Variants in PLEKHA1 observed in about 807,000 individuals in gnomAD.
PLEKHA1 encodes pleckstrin homology domain containing A1.
A neutral mutation model predicts 52.0 loss-of-function variants in PLEKHA1; 34 were observed. That is an observed-to-expected ratio of 0.65 (90% CI 0.50 to 0.87). The LOEUF is 0.87. Ranked by LOEUF, PLEKHA1 falls within the 40% of genes least tolerant of loss-of-function variation. The pLI, the probability that PLEKHA1 is intolerant of heterozygous loss-of-function variation, is 0.00. For missense variants in PLEKHA1, 497 were observed against 504.2 expected (o/e 0.99, Z 0.14); for synonymous variants, 163 against 170.7 (o/e 0.95, Z 0.35).
intron 7 of PLEKHA1, among the ~76,000 whole-genome samples, chr10:122,416,469 G>A (rs1203900422): frequency 6.6e-6 from 1 of 152,098 alleles, no homozygotes; most frequent in Admixed American, 6.5e-5. Flanking sequence ...CTCAGTTTCT[G>A]TCTTAAGGAA....
intron 4 of PLEKHA1, among the ~76,000 whole-genome samples, chr10:122,403,476 A>G (rs1263668554): frequency 6.6e-6 from 1 of 152,206 alleles, no homozygotes; most frequent in African/African-American, 2.4e-5. Context: ...CATTCTAATC[A>G]TAAAGATTTG....
At chr10:122,400,463 A>G (rs2096912385) in intron 4 of PLEKHA1, 75 bp downstream of exon 4, 1 of 1,248,660 alleles carries the variant, frequency 8.0e-7, no homozygotes, top group Non-Finnish European at 1.1e-6. Flanking sequence ...ACTGTTGCAG[A>G]AAACCACACA....
At chr10:122,411,407 A>G (rs987863735) in intron 5 of PLEKHA1, among the ~76,000 whole-genome samples, 14 of 152,232 alleles carry the variant, frequency 9.2e-5, no homozygotes, top group Admixed American at 8.5e-4. Context: ...CACATGGACC[A>G]TGTTTGCTCA....
At chr10:122,404,202 G>A (rs2096972171) in intron 4 of PLEKHA1, among the ~76,000 whole-genome samples, 1 of 152,098 alleles carries the variant, frequency 6.6e-6, no homozygotes, top group South Asian at 2.1e-4. Flanking sequence ...GCTTGTAAGT[G>A]CATAAGCTAG....
At chr10:122,400,274 C>A in intron 3 of PLEKHA1, 69 bp from the exon 4 acceptor site, 1 of 1,218,678 alleles carries the variant, frequency 8.2e-7, no homozygotes, top group Non-Finnish European at 1.2e-6. Flanking sequence ...TGGAAGTTTA[C>A]ATAGTATATA....
At chr10:122,442,447 C>T in the PLEKHA1 span, 4 of 152,016 alleles carry the variant, frequency 2.6e-5, no homozygotes, top group Admixed American at 2.6e-4. Flanking sequence ...CAAGAAATGA[C>T]CTGTGTTGAC....
At chr10:122,397,781 C>T in intron 2 of PLEKHA1, 137 bp from the exon 3 acceptor site, 1 of 651,412 alleles carries the variant, frequency 1.5e-6, no homozygotes, top group East Asian at 2.8e-5. Flanking sequence ...AAAATTTGAA[C>T]AGAAGAAAAG....
At chr10:122,382,747 C>T (rs1473355847) in intron 1 of PLEKHA1, among the ~76,000 whole-genome samples, 1 of 152,116 alleles carries the variant, frequency 6.6e-6, no homozygotes, top group Admixed American at 6.5e-5. Flanking sequence ...TCTTTTCTCT[C>T]ACTGTGAAAG....
intron 2 of PLEKHA1, among the ~76,000 whole-genome samples, chr10:122,397,019 C>G (rs977888019): frequency 6.6e-6 from 1 of 151,958 alleles, no homozygotes; most frequent in Non-Finnish European, 1.5e-5. Flanking sequence ...TATTTAGGTC[C>G]TCTATGATTA....
intron 6 of PLEKHA1, 44 bp downstream of exon 6, chr10:122,413,089 A>G (rs1261821686): frequency 2.6e-6 from 4 of 1,512,154 alleles, no homozygotes; most frequent in African/African-American, 1.4e-5. Context: ...TAATTATTGT[A>G]TATTGATTTT....
chr10:122,423,039 C>T (rs1201531768), intron 8 of PLEKHA1: 1 of 151,792 alleles, frequency 6.6e-6, no homozygotes, highest in Admixed American at 6.6e-5. Context: ...CTGTTTTTCT[C>T]AGTCTCTTAT....
At chr10:122,394,472 C>G (rs1340299580) in intron 2 of PLEKHA1, among the ~76,000 whole-genome samples, 1 of 152,034 alleles carries the variant, frequency 6.6e-6, no homozygotes, top group African/African-American at 2.4e-5. Flanking sequence ...GGATGAATCT[C>G]TAGCAGACTT....
chr10:122,388,667 T>C (rs2096734464), intron 1 of PLEKHA1, among the ~76,000 whole-genome samples: 1 of 152,348 alleles, frequency 6.6e-6, no homozygotes, highest in South Asian at 2.1e-4. Flanking sequence ...AAAATGTATA[T>C]ACTATAATTT....
chr10:122,406,687 T>A lies in PLEKHA1; in HGVS notation c.342+14T>A, dbSNP rs1015515545. The A allele has an allele frequency of 3.2e-6, 5 of 1,557,690 alleles. No individual in the cohort carries two copies. The African/African-American group carries it at 6.8e-5, about 21-fold the overall frequency. ...ATAAAAATTACAGTAAGTATATGTATTTTTTTGAAAAACGTTCGATGTCTG... is the reference window on the plus strand; with the variant it reads ...ATAAAAATTACAGTAAGTATATGTAATTTTTTGAAAAACGTTCGATGTCTG... On this transcript the variant is annotated intron_variant, in intron 5 of 11. Transcript: ENST00000368990.
chr10:122,376,053 CT>C (rs1384230410), intron 1 of PLEKHA1, among the ~76,000 whole-genome samples: 2 of 152,168 alleles, frequency 1.3e-5, no homozygotes, highest in African/African-American at 4.8e-5. Flanking sequence ...AGCTTGCATA[CT>C]TTCTATGTTA....
intron 4 of PLEKHA1, among the ~76,000 whole-genome samples, chr10:122,406,279 GT>G (rs1368935323): frequency 2.0e-5 from 3 of 152,130 alleles, no homozygotes; most frequent in South Asian, 2.1e-4. Context: ...TGTATATGAT[GT>G]TTCATTGTGA....
chr10:122,375,422 A>G (rs560203527), intron 1 of PLEKHA1, among the ~76,000 whole-genome samples: 1 of 152,230 alleles, frequency 6.6e-6, no homozygotes, highest in African/African-American at 2.4e-5. Flanking sequence ...CCTTCGGGGC[A>G]GGTGGCCAGA....
At chr10:122,422,604 C>T (rs1409773744) in intron 8 of PLEKHA1, 1 of 152,214 alleles carries the variant, frequency 6.6e-6, no homozygotes, top group African/African-American at 2.4e-5. Flanking sequence ...CTTCTTTAAA[C>T]TCTGAAAAAC....
Position 122,375,399 on chromosome 10 carries a change from A to G in PLEKHA1, c.-21+593A>G, listed in dbSNP as rs980740890. Among the ~76,000 whole-genome samples the G allele has an allele frequency of 5.3e-5, 8 of 152,312 alleles. No homozygotes were observed. The East Asian group carries it at 1.5e-3, about 29-fold the overall frequency. ...GCCCTGAAGTCGGGCGGTGTCCGCG[A>G]TTTACCTCCGCACCTTCGGGGCAGG... is the stretch of plus-strand genomic sequence containing the variant. On this transcript the variant is annotated intron_variant, in intron 1 of 11. Transcript: ENST00000368990.
Sources: gnomAD v4.1 joint callset for allele counts (sites outside exome capture counted in the v4.1 genomes callset) on GRCh38, gnomAD v4.1.1 for gene constraint, MANE v1.5 for transcripts, NCBI Gene and HGNC (gene_info 2026-07-23, HGNC 2026-07-21) for gene names.